The following YME1L1 variants were observed in gnomAD, a reference collection of about 807,000 sequenced individuals.
The protein encoded by YME1L1 is ATP-dependent zinc metalloprotease YME1L1.
YME1L1 carries 39 observed loss-of-function variants against 90.4 expected under a neutral mutation model. The observed-to-expected ratio is 0.43, with a 90% CI of 0.33 to 0.56. YME1L1 has a LOEUF of 0.56. Ranked by LOEUF, YME1L1 falls within the 20% of genes least tolerant of loss-of-function variation. YME1L1 has a pLI of 0.03. For synonymous variants in YME1L1, 284 were observed against 287.3 expected (o/e 0.99, Z 0.12); for missense variants, 617 against 868.4 (o/e 0.71, Z 3.64).
At chr10:27,154,069 A>G (rs1399087742) in intron 1 of YME1L1, 109 bp downstream of exon 1, 20 of 1,395,922 alleles carry the variant, frequency 1.4e-5, no homozygotes, top group Admixed American at 2.0e-5. Context: ...CATTGAGTAC[A>G]TCACTTCATT....
At chr10:27,153,478 C>CA (rs1173081168) in intron 1 of YME1L1, among the ~76,000 whole-genome samples, 1 of 151,974 alleles carries the variant, frequency 6.6e-6, no homozygotes, top group African/African-American at 2.4e-5. Flanking sequence ...ATGTTACCAT[C>CA]AAAAAAAGAG....
chr10:27,145,656 T>C (rs914540233), intron 2 of YME1L1, 66 bp from the exon 3 acceptor site: 38 of 1,283,252 alleles, frequency 3.0e-5, no homozygotes, highest in Non-Finnish European at 3.4e-5. Context: ...AAGGAGTACA[T>C]ATTATCAGTT....
chr10:27,124,231 T>C (rs370945725), intron 9 of YME1L1, among the ~76,000 whole-genome samples: 1 of 152,188 alleles, frequency 6.6e-6, no homozygotes, highest in African/African-American at 2.4e-5. Context: ...AGTCTTTAGA[T>C]GTCAAGTAGT....
At chr10:27,118,684 A>T (rs997628793) in intron 14 of YME1L1, among the ~76,000 whole-genome samples, 5 of 152,244 alleles carry the variant, frequency 3.3e-5, no homozygotes, top group African/African-American at 1.2e-4. Flanking sequence ...TATCATCTTA[A>T]TTCAAAAGGG....
intron 17 of YME1L1, 68 bp downstream of exon 17, chr10:27,115,992 G>T: frequency 7.2e-7 from 1 of 1,380,402 alleles, no homozygotes; most frequent in Non-Finnish European, 1.0e-6. Context: ...TTTATAATCA[G>T]AACCAGCTCT....
intron 18 of YME1L1, among the ~76,000 whole-genome samples, chr10:27,113,375 T>C (rs1006767967): frequency 2.0e-5 from 3 of 147,622 alleles, no homozygotes; most frequent in Admixed American, 6.9e-5. Context: ...TCAACATACA[T>C]AATACTGAAA....
intron 1 of YME1L1, among the ~76,000 whole-genome samples, chr10:27,151,086 C>T (rs1694030021): frequency 6.6e-6 from 1 of 152,098 alleles, no homozygotes; most frequent in African/African-American, 2.4e-5. Flanking sequence ...CCACCACACC[C>T]AGCTATTTTT....
rs567788437 is a variant in YME1L1, at chr10:27,130,297, G to A, written c.858+1562C>T. 1.5e-3 allele frequency among the ~76,000 whole-genome samples: 234 copies of A among 152,202 alleles called. 2 individuals carry two copies. The highest frequency in any genetic ancestry group is 5.4e-3 in the African/African-American group (225 of 41,532). On this transcript the variant is annotated intron_variant, in intron 8 of 18. Transcript: ENST00000376016. ...TCCTGGCTTCTCTTCTCTGTCTTGT[G>A]AACCTTCAAGTAAGTGCTCTGTAAC...
At chr10:27,147,998 CAAT>C (rs1352225242) in intron 2 of YME1L1, among the ~76,000 whole-genome samples, 13 of 152,180 alleles carry the variant, frequency 8.5e-5, no homozygotes, top group Non-Finnish European at 1.6e-4. Flanking sequence ...CCTTCGCCAA[CAAT>C]GTCAGGATCT....
intron 4 of YME1L1, among the ~76,000 whole-genome samples, chr10:27,137,928 T>C (rs2057046550): frequency 6.6e-6 from 1 of 152,176 alleles, no homozygotes; most frequent in African/African-American, 2.4e-5. Context: ...ACCTTTGCTG[T>C]GTTTTCTGCA....
In YME1L1 at chr10:27,150,920, C is replaced by CTT. The variant is rs142259641; in HGVS notation, c.34-1882_34-1881dup. Among the ~76,000 whole-genome samples, 379 of 87,676 alleles carry CTT rather than the reference C, an allele frequency of 4.3e-3. 1 individual carries two copies. The highest frequency in any genetic ancestry group is 0.012 in the Middle Eastern group (1 of 84). The allele number at this position is 87,676 out of a possible 152,430, so 57.5% of individuals were successfully genotyped here. On this transcript the variant is annotated intron_variant, in intron 1 of 18. Coordinates refer to ENST00000376016, the MANE Select transcript of YME1L1 (RefSeq NM_014263.4). ...GCTTTCACTTTATAGACTCTCTCGCCTTTTTTTTTTTTTTTTTTTTTTTGA... is the reference window on the plus strand; with the variant it reads ...GCTTTCACTTTATAGACTCTCTCGCCTTTTTTTTTTTTTTTTTTTTTTTTTGA...
chr10:27,110,575 CTA>C lies in YME1L1; in HGVS notation c.*1400_*1401del, dbSNP rs2056749703. 1 of 152,076 alleles carries C rather than the reference CTA, an allele frequency of 6.6e-6. No individual in the cohort carries two copies. The highest frequency in any genetic ancestry group is 2.4e-5 in the African/African-American group (1 of 41,416). 9.4% of individuals were successfully genotyped at this position (152,076 alleles called of 1,614,324 possible). ...TGAGTTAAATATTCATCTGTAGATCCTATAACAGCATGTTCATATTCACAAAA... is the reference window on the plus strand; with the variant it reads ...TGAGTTAAATATTCATCTGTAGATCCTAACAGCATGTTCATATTCACAAAA... On this transcript the variant is annotated 3_prime_UTR_variant, in exon 19 of 19. Transcript: ENST00000376016.
At chr10:27,153,953 T>A (rs1302530352) in intron 1 of YME1L1, among the ~76,000 whole-genome samples, 2 of 152,144 alleles carry the variant, frequency 1.3e-5, no homozygotes, top group Admixed American at 1.3e-4. Flanking sequence ...TCTCTATCAC[T>A]GAGCTCACAT....
chr10:27,153,095 C>G (rs536240787), intron 1 of YME1L1: 16 of 447,620 alleles, frequency 3.6e-5, no homozygotes, highest in South Asian at 2.2e-4. Context: ...CTGCTAAACC[C>G]TTTCCTAACT....
chr10:27,144,707 A>C (rs7911024), intron 3 of YME1L1, among the ~76,000 whole-genome samples: 128,371 of 152,230 alleles, frequency 0.84, 54,407 homozygotes, highest in East Asian at 0.99. Flanking sequence ...AAAACAAACA[A>C]CGCCCCCCCA....
At chr10:27,142,122 T>C (rs912353069) in intron 4 of YME1L1, among the ~76,000 whole-genome samples, 2 of 152,114 alleles carry the variant, frequency 1.3e-5, no homozygotes, top group Non-Finnish European at 2.9e-5. Flanking sequence ...AGTAAGCAAA[T>C]GTGGTTAGTC....
chr10:27,113,119 C>T (rs930248111), intron 18 of YME1L1, among the ~76,000 whole-genome samples: 1 of 150,162 alleles, frequency 6.7e-6, no homozygotes, highest in Non-Finnish European at 1.5e-5. Flanking sequence ...ACTCAGGAGG[C>T]TGAGGTGGGA....
intron 9 of YME1L1, among the ~76,000 whole-genome samples, chr10:27,125,887 G>C (rs11015550): frequency 6.6e-6 from 1 of 151,944 alleles, no homozygotes; most frequent in Non-Finnish European, 1.5e-5. Flanking sequence ...TTCAAGACCA[G>C]ACTGGTCTCG....
At chr10:27,115,418 C>A (rs2056803094) in intron 17 of YME1L1, among the ~76,000 whole-genome samples, 1 of 150,414 alleles carries the variant, frequency 6.6e-6, no homozygotes, top group African/African-American at 2.4e-5. Flanking sequence ...TTCAGAGAAT[C>A]CTCCCACCTC....
Sources: gnomAD v4.1 joint callset for allele counts (sites outside exome capture counted in the v4.1 genomes callset) on GRCh38, gnomAD v4.1.1 for gene constraint, MANE v1.5 for transcripts, NCBI Gene and HGNC (gene_info 2026-07-23, HGNC 2026-07-21) for gene names.